Variants in SCEL observed in about 807,000 individuals in gnomAD.
The protein encoded by SCEL is sciellin.
In SCEL, 113 loss-of-function variants were observed where a neutral mutation model predicts 117.6. The observed-to-expected ratio is 0.96, with a 90% CI of 0.83 to 1.12. SCEL has a LOEUF of 1.12. Ranked by LOEUF, SCEL falls within the 50% of genes most tolerant of loss-of-function variation. SCEL has a pLI of 0.00. For synonymous variants in SCEL, 270 were observed against 256.2 expected, an observed-to-expected ratio of 1.05 and a Z score of -0.51; for missense variants, 785 against 810.8, an observed-to-expected ratio of 0.97 and a Z score of 0.39.
chr13:77,609,231 A>G (rs2088460309), intron 21 of SCEL, 114 bp downstream of exon 21: 2 of 846,914 alleles, frequency 2.4e-6, no homozygotes, highest in Non-Finnish European at 1.8e-6. Context: ...AAGAAAAGCC[A>G]TGTAACCCTG....
chr13:77,616,530 A>G (rs998659343), intron 24 of SCEL, among the ~76,000 whole-genome samples: 12 of 152,032 alleles, frequency 7.9e-5, no homozygotes, highest in African/African-American at 2.2e-4. Context: ...TGAAAATATT[A>G]TCATAGAAGA....
intron 5 of SCEL, among the ~76,000 whole-genome samples, chr13:77,564,484 A>C (rs1407978144): frequency 6.6e-6 from 1 of 152,154 alleles, no homozygotes; most frequent in Non-Finnish European, 1.5e-5. Context: ...TCATCTCTAC[A>C]GGGAAAATAG....
chr13:77,589,359 T>C (rs2086739827), intron 10 of SCEL, 135 bp downstream of exon 10: 3 of 552,418 alleles, frequency 5.4e-6, no homozygotes, highest in Non-Finnish European at 9.5e-6. Context: ...TGTAGAACTT[T>C]TTCTAATTTT....
chr13:77,560,715 C>T (rs1462057910), intron 4 of SCEL, among the ~76,000 whole-genome samples: 3 of 152,188 alleles, frequency 2.0e-5, no homozygotes. Context: ...ATTCTTACCA[C>T]AACACAGTTG....
At chr13:77,575,414 C>G (rs752416419) in intron 9 of SCEL, among the ~76,000 whole-genome samples, 1 of 152,128 alleles carries the variant, frequency 6.6e-6, no homozygotes, top group Admixed American at 6.5e-5. Flanking sequence ...ATAATTAACA[C>G]AAGGCTGGTG....
At chr13:77,620,559 A>G (rs371335135) in intron 27 of SCEL, among the ~76,000 whole-genome samples, 1 of 152,324 alleles carries the variant, frequency 6.6e-6, no homozygotes, top group South Asian at 2.1e-4. Flanking sequence ...TTCTTCTAGG[A>G]ACAAATACAG....
intron 9 of SCEL, among the ~76,000 whole-genome samples, chr13:77,579,836 A>G (rs1397988941): frequency 1.3e-5 from 2 of 152,090 alleles, no homozygotes; most frequent in African/African-American, 2.4e-5. Context: ...GGATGGAGGC[A>G]TTCCAGGCAG....
In SCEL at chr13:77,616,002, C is replaced by CTGTGTGTGTGTG. The variant is rs1272729598; in HGVS notation, c.1452-1596_1452-1595insGTGTGTGTGTGT. 1.3e-4 allele frequency among the ~76,000 whole-genome samples: 19 copies of CTGTGTGTGTGTG among 141,916 alleles called. No homozygotes were observed. The East Asian group carries it at 3.4e-3, about 25-fold the overall frequency. 93.1% of individuals were successfully genotyped at this position (141,916 alleles called of 152,430 possible). ...ATATTATTTCATAAAATTTATGTCT[C>CTGTGTGTGTGTG]TCTGTGTGTGTGTGTGTGTGTGTGT... is the stretch of plus-strand genomic sequence containing the variant. On this transcript the variant is annotated intron_variant, in intron 24 of 32. Transcript: ENST00000349847.
At chr13:77,586,212 C>G (rs890490872) in intron 9 of SCEL, among the ~76,000 whole-genome samples, 2 of 152,146 alleles carry the variant, frequency 1.3e-5, no homozygotes, top group African/African-American at 4.8e-5. Flanking sequence ...CTTCCCCTCC[C>G]CGACCACTCA....
At chr13:77,538,947 G>A (rs1042139174) in intron 1 of SCEL, among the ~76,000 whole-genome samples, 1 of 152,172 alleles carries the variant, frequency 6.6e-6, no homozygotes, top group African/African-American at 2.4e-5. Flanking sequence ...AATAAGCATG[G>A]CACATGTCTG....
chr13:77,642,187 A>T (rs532189883), intron 31 of SCEL, among the ~76,000 whole-genome samples: 125 of 152,268 alleles, frequency 8.2e-4, no homozygotes, highest in African/African-American at 2.9e-3. Context: ...CTATAGCCAT[A>T]GCAATACAGA....
intron 1 of SCEL, among the ~76,000 whole-genome samples, chr13:77,537,087 C>T (rs2083452983): frequency 6.6e-6 from 1 of 152,126 alleles, no homozygotes; most frequent in South Asian, 2.1e-4. Context: ...TTTGAGAAAA[C>T]TGAGAAATGA....
chr13:77,580,735 G>A (rs186851785), intron 9 of SCEL, among the ~76,000 whole-genome samples: 13 of 152,216 alleles, frequency 8.5e-5, no homozygotes, highest in East Asian at 7.7e-4. Context: ...AGAAATGAAT[G>A]TGCTTTTTTT....
chr13:77,570,021 T>C (rs939790433), intron 8 of SCEL, among the ~76,000 whole-genome samples: 18 of 152,154 alleles, frequency 1.2e-4, no homozygotes, highest in African/African-American at 1.7e-4. Context: ...AGACAGAACA[T>C]GATGGTGAAA....
chr13:77,574,118 A>G (rs1357207233), intron 9 of SCEL, among the ~76,000 whole-genome samples: 2 of 152,202 alleles, frequency 1.3e-5, no homozygotes, highest in African/African-American at 4.8e-5. Context: ...CATCATTCCA[A>G]TTGTTCATTA....
chr13:77,626,273 TC>T (rs1212692937), intron 27 of SCEL, among the ~76,000 whole-genome samples: 1 of 151,914 alleles, frequency 6.6e-6, no homozygotes, highest in Admixed American at 6.6e-5. Context: ...GGACAACCAC[TC>T]CCATGATTCA....
chr13:77,583,131 G>T (rs1183853244), intron 9 of SCEL, among the ~76,000 whole-genome samples: 2 of 152,154 alleles, frequency 1.3e-5, no homozygotes, highest in Non-Finnish European at 2.9e-5. Flanking sequence ...TGAACGTCAA[G>T]GTACTTGTGG....
At chr13:77,607,358 T>C (rs1025318514) in intron 19 of SCEL, among the ~76,000 whole-genome samples, 1 of 152,238 alleles carries the variant, frequency 6.6e-6, no homozygotes, top group African/African-American at 2.4e-5. Context: ...GCCAGAGTGT[T>C]GCGCTTTATA....
At chr13:77,617,912 A>T in intron 26 of SCEL, 50 bp downstream of exon 26, 1 of 1,575,100 alleles carries the variant, frequency 6.3e-7, no homozygotes, top group Admixed American at 1.7e-5. Context: ...GTTGCCCTGG[A>T]TGAAGTGGAT....
Sources: gnomAD v4.1 joint callset for allele counts (sites outside exome capture counted in the v4.1 genomes callset) on GRCh38, gnomAD v4.1.1 for gene constraint, MANE v1.5 for transcripts, NCBI Gene and HGNC (gene_info 2026-07-23, HGNC 2026-07-21) for gene names.